CMIP: variants seen among roughly 807,000 people sequenced by gnomAD.
CMIP encodes the protein c-Maf inducing protein, also known as C-Maf-inducing protein.
A neutral mutation model predicts 97.3 loss-of-function variants in CMIP; 13 were observed. That is an observed-to-expected ratio of 0.13 (90% CI 0.09 to 0.21). The LOEUF is 0.21. Ranked by LOEUF, CMIP falls within the 10% of genes least tolerant of loss-of-function variation. The pLI, the probability that CMIP is intolerant of heterozygous loss-of-function variation, is 1.00. For synonymous variants in CMIP, 538 were observed against 436.3 expected, an observed-to-expected ratio of 1.23 and a Z score of -2.91; for missense variants, 847 against 1,024.9, an observed-to-expected ratio of 0.83 and a Z score of 2.37.
chr16:81,657,758 T>C lies in CMIP; in HGVS notation c.640-17T>C. 6.3e-7 allele frequency: 1 copy of C among 1,592,922 alleles called. No homozygotes were observed. The highest frequency in any genetic ancestry group is 2.3e-5 in the East Asian group (1 of 44,422). ...TTTGTTTTGTTTTCCTCCTGCTGTC[T>C]CCATTCAATCCTTTAGAACACAAAC... On this transcript the variant is annotated splice_polypyrimidine_tract_variant and intron_variant, in intron 4 of 20. Transcript: ENST00000537098.
At chr16:81,591,313 C>T (rs750039886) in intron 1 of CMIP, among the ~76,000 whole-genome samples, 1 of 152,184 alleles carries the variant, frequency 6.6e-6, no homozygotes. Flanking sequence ...ACTCTGGACA[C>T]CAGCTAAGGT....
At chr16:81,702,191 G>A (rs1381128847) in intron 16 of CMIP, among the ~76,000 whole-genome samples, 1 of 152,202 alleles carries the variant, frequency 6.6e-6, no homozygotes, top group East Asian at 1.9e-4. Context: ...GGAAATTCAT[G>A]CCTTCTGATC....
chr16:81,616,846 A>G lies in CMIP; in HGVS notation c.427-4030A>G, dbSNP rs564621229. 2.0e-5 allele frequency among the ~76,000 whole-genome samples: 3 copies of G among 152,248 alleles called. No individual in the cohort carries two copies. The highest frequency in any genetic ancestry group is 4.4e-5 in the Non-Finnish European group (3 of 68,048). On this transcript the variant is annotated intron_variant, in intron 2 of 20. Coordinates refer to ENST00000537098, the MANE Select transcript of CMIP (RefSeq NM_198390.3). This position sits in a 1 kb window ranked among gnomAD's most constrained non-coding sequence, Gnocchi z 4.7. ...AATCCGTCCCAGGCCTTTAGACATC[A>G]AGTGCTGCTGTGAGAGGCAGGCTAC...
At chr16:81,586,904 G>A (rs968589162) in intron 1 of CMIP, among the ~76,000 whole-genome samples, 2 of 152,212 alleles carry the variant, frequency 1.3e-5, no homozygotes, top group Admixed American at 6.5e-5. Flanking sequence ...AGAGAAGAAA[G>A]TAGAGAACTC....
intron 1 of CMIP, among the ~76,000 whole-genome samples, chr16:81,536,903 C>G (rs997870330): frequency 2.0e-5 from 3 of 152,112 alleles, no homozygotes; most frequent in African/African-American, 7.2e-5. Flanking sequence ...CTGAGCAGTA[C>G]CCCACCCCCT....
chr16:81,449,673 C>T (rs975207588), intron 1 of CMIP, among the ~76,000 whole-genome samples: 2 of 151,098 alleles, frequency 1.3e-5, no homozygotes, highest in Non-Finnish European at 2.9e-5. Flanking sequence ...CAGATTTCCC[C>T]CCCCCCCTTT....
Position 81,652,422 on chromosome 16 carries a change from G to T in CMIP, c.639+58G>T. ...TTTGCCTTTCCCTCCACCGATCACC[G>T]GCTCCATGCCAAGCAGCAGGCGCAG... On this transcript the variant is annotated intron_variant, in intron 4 of 20. Coordinates refer to ENST00000537098, the MANE Select transcript of CMIP (RefSeq NM_198390.3). The surrounding 1 kb of genome is among the most constrained non-coding windows in gnomAD (Gnocchi z 5.2). The T allele has an allele frequency of 6.9e-7, 1 of 1,451,062 alleles. No homozygotes were observed. 89.9% of individuals were successfully genotyped at this position (1,451,062 alleles called of 1,614,324 possible). A position where few individuals can be genotyped will look rare whatever the true frequency, so the allele number is the denominator to read the frequency against.
intron 1 of CMIP, among the ~76,000 whole-genome samples, chr16:81,592,874 T>C (rs1191711143): frequency 2.0e-5 from 3 of 152,204 alleles, no homozygotes. Context: ...CTGTGGGCCT[T>C]CCAAATGCAT....
At chr16:81,553,893 A>G (rs970771924) in intron 1 of CMIP, among the ~76,000 whole-genome samples, 9 of 152,176 alleles carry the variant, frequency 5.9e-5, no homozygotes, top group Non-Finnish European at 1.3e-4. Flanking sequence ...TGGCCCTTTT[A>G]TATTACGTGT....
At chr16:81,543,457 C>G (rs2090486254) in intron 1 of CMIP, among the ~76,000 whole-genome samples, 1 of 152,188 alleles carries the variant, frequency 6.6e-6, no homozygotes, top group South Asian at 2.1e-4. Flanking sequence ...CCAGGGCTCC[C>G]TGCTGCGTCC....
chr16:81,478,957 G>A (rs987934145), intron 1 of CMIP, among the ~76,000 whole-genome samples: 6 of 152,154 alleles, frequency 3.9e-5, no homozygotes, highest in East Asian at 1.9e-4. Flanking sequence ...GTCCTCACCC[G>A]AAGCAGGGTG....
intron 3 of CMIP, among the ~76,000 whole-genome samples, chr16:81,650,613 G>A (rs912315574): frequency 9.9e-5 from 15 of 152,160 alleles, no homozygotes; most frequent in African/African-American, 2.7e-4. Context: ...ATGGGATGCC[G>A]TATTGGCCTA....
Position 81,652,091 on chromosome 16 carries a change from C to T in CMIP, c.478-112C>T. 2.5e-6 allele frequency: 2 copies of T among 789,206 alleles called. No homozygotes were observed. The allele number at this position is 789,206 out of a possible 1,614,324, so 48.9% of individuals were successfully genotyped here. A position where few individuals can be genotyped will look rare whatever the true frequency, so the allele number is the denominator to read the frequency against. On this transcript the variant is annotated intron_variant, in intron 3 of 20. Coordinates refer to ENST00000537098, the MANE Select transcript of CMIP (RefSeq NM_198390.3). The surrounding 1 kb of genome is among the most constrained non-coding windows in gnomAD (Gnocchi z 5.2). The stretch of plus-strand genomic sequence containing the variant: ...ATAAACGGGGACTGGGCCAAGTTGT[C>T]AGTTTCTCAGGGCCCTTTACACCCT...
chr16:81,639,535 C>T (rs928295132), intron 3 of CMIP, among the ~76,000 whole-genome samples: 3 of 152,246 alleles, frequency 2.0e-5, no homozygotes, highest in Admixed American at 1.3e-4. Flanking sequence ...TTATCTCAGC[C>T]TAATGTCCCC....
intron 1 of CMIP, among the ~76,000 whole-genome samples, chr16:81,533,266 A>G (rs1434025874): frequency 6.6e-6 from 1 of 152,132 alleles, no homozygotes; most frequent in Non-Finnish European, 1.5e-5. Flanking sequence ...CAGCATTTAG[A>G]ACAGGGCCTG....
At chr16:81,695,138 C>T (rs1054901357) in intron 13 of CMIP, among the ~76,000 whole-genome samples, 1 of 152,186 alleles carries the variant, frequency 6.6e-6, no homozygotes, top group African/African-American at 2.4e-5. Context: ...AGTGACCTGC[C>T]GGTCTGGAAG....
chr16:81,598,570 A>G (rs143168022), intron 1 of CMIP, among the ~76,000 whole-genome samples: 165 of 152,214 alleles, frequency 1.1e-3, no homozygotes, highest in African/African-American at 3.7e-3. Context: ...AGAGGGATGT[A>G]TTTTTCTCCC....
chr16:81,585,414 A>G (rs776755794), intron 1 of CMIP, among the ~76,000 whole-genome samples: 6 of 152,154 alleles, frequency 3.9e-5, no homozygotes, highest in Non-Finnish European at 5.9e-5. Context: ...TACCACTTCT[A>G]TCTAGTTCCA....
At chr16:81,467,216 G>A (rs888174222) in intron 1 of CMIP, among the ~76,000 whole-genome samples, 1 of 152,216 alleles carries the variant, frequency 6.6e-6, no homozygotes, top group African/African-American at 2.4e-5. Context: ...CTCACTCTGG[G>A]ACCTGGGCAC....
Sources: gnomAD v4.1 joint callset for allele counts (sites outside exome capture counted in the v4.1 genomes callset) on GRCh38, gnomAD v4.1.1 for gene constraint, Gnocchi (gnomAD v3.1) non-coding constraint, MANE v1.5 for transcripts, NCBI Gene and HGNC (gene_info 2026-07-23, HGNC 2026-07-21) for gene names.